Variants in HGD observed in about 807,000 individuals in gnomAD.
HGD encodes the protein homogentisate 1,2-dioxygenase, also known as homogentisate oxidase.
A neutral mutation model predicts 60.8 loss-of-function variants in HGD; 61 were observed. The ratio of observed to expected loss-of-function variants is 1.00; its 90% CI spans 0.82 to 1.24. HGD has a LOEUF of 1.24. Among genes scored for constraint, HGD ranks in the 50% most tolerant of loss-of-function variants. HGD has a pLI of 0.00. For synonymous variants in HGD, 212 were observed against 187.7 expected, an observed-to-expected ratio of 1.13 and a Z score of -1.06; for missense variants, 542 against 547.1, an observed-to-expected ratio of 0.99 and a Z score of 0.09.
chr3:120,676,850 A>C (rs1457321742), intron 1 of HGD, among the ~76,000 whole-genome samples: 2 of 152,222 alleles, frequency 1.3e-5, no homozygotes, highest in African/African-American at 4.8e-5. Flanking sequence ...GGCCCTCCAG[A>C]GTTCTCAGTT....
At chr3:120,663,335 G>A (rs1170026494) in intron 4 of HGD, among the ~76,000 whole-genome samples, 2 of 152,214 alleles carry the variant, frequency 1.3e-5, no homozygotes, top group African/African-American at 2.4e-5. Flanking sequence ...AGACATTCCC[G>A]AGAAGGAGTA....
intron 4 of HGD, among the ~76,000 whole-genome samples, chr3:120,669,193 T>C (rs1707968917): frequency 1.3e-5 from 2 of 152,168 alleles, no homozygotes; most frequent in Admixed American, 6.5e-5. Context: ...CTATGCCAGA[T>C]TTCAAAGGCC....
At chr3:120,675,955 T>C (rs1030882956) in intron 1 of HGD, 92 bp from the exon 2 acceptor site, 2 of 873,896 alleles carry the variant, frequency 2.3e-6, no homozygotes, top group Non-Finnish European at 3.9e-6. Context: ...AATTTCTATA[T>C]GGACCTATGT....
rs1940645751 is a variant in HGD, at chr3:120,633,220, C to A, written c.1115G>T (p.Gly372Val). The A allele has an allele frequency of 6.2e-7, 1 of 1,614,142 alleles. No individual in the cohort carries two copies. Among genetic ancestry groups the A allele is most frequent in the Non-Finnish European group, 8.5e-7 (1 of 1,180,026 alleles). ...CTTCTCAAAGCAGTCAGCATCAGGTCCATGGGGGGTCATTGTGCTGTGTAG... is the reference window on the plus strand; with the variant it reads ...CTTCTCAAAGCAGTCAGCATCAGGTACATGGGGGGTCATTGTGCTGTGTAG... ...GSLHSTMTPH[G>V]PDADCFEKAS... Residue 372 changes from glycine to valine, a missense_variant, in exon 13 of 14, where the codon GGA becomes GTA. Around this residue, in one of 2 missense-constraint regions of HGD, gnomAD observed 537 missense variants for 529.1 expected, o/e 1.01. Transcript: ENST00000283871.
At chr3:120,637,641 C>G (rs911305514) in intron 12 of HGD, among the ~76,000 whole-genome samples, 1 of 152,024 alleles carries the variant, frequency 6.6e-6, no homozygotes, top group Admixed American at 6.6e-5. Flanking sequence ...TCTCTCTCTT[C>G]TTATTTCTCT....
intron 13 of HGD, among the ~76,000 whole-genome samples, chr3:120,632,061 T>C (rs1448026153): frequency 6.6e-6 from 1 of 152,176 alleles, no homozygotes; most frequent in African/African-American, 2.4e-5. Flanking sequence ...CTGCATCTCT[T>C]TGAGATGTAG....
intron 1 of HGD, among the ~76,000 whole-genome samples, chr3:120,677,460 AC>A (rs1708152719): frequency 6.6e-6 from 1 of 152,020 alleles, no homozygotes; most frequent in African/African-American, 2.4e-5. Context: ...GGTGAAATAG[AC>A]CCCAGTCTCC....
Position 120,675,830 on chromosome 3 carries a change from C to T in HGD, c.49G>A (p.Glu17Lys), listed in dbSNP as rs758729926. 3.1e-6 allele frequency: 5 copies of T among 1,613,548 alleles called. No homozygotes were observed. The Admixed American group carries it at 8.3e-5, about 27-fold the overall frequency. The change falls in exon 2 of 14, where the codon GAG (glutamate) becomes AAG (lysine). Residue 17 changes from glutamate to lysine, a missense_variant. This residue lies in a region of HGD where 537 missense variants were observed against 529.1 expected (regional missense o/e 1.01). Coordinates refer to ENST00000283871, the MANE Select transcript of HGD (RefSeq NM_000187.4). ...ISGFGNECSS[E>K]DPRCPGSLPE... ...AGGGAACCTGGGCAGCGAGGATCCT[C>T]TGAAGAACACTCATTCCCAAATCCA...
chr3:120,669,426 TACAA>T (rs1707974845), intron 4 of HGD, among the ~76,000 whole-genome samples: 1 of 147,962 alleles, frequency 6.8e-6, no homozygotes, highest in Non-Finnish European at 1.5e-5. Flanking sequence ...GCTAGAAAAA[TACAA>T]GCTTATGTGC....
chr3:120,648,515 A>G (rs1941234578), intron 6 of HGD, among the ~76,000 whole-genome samples: 1 of 152,258 alleles, frequency 6.6e-6, no homozygotes. Flanking sequence ...TTGGACACAA[A>G]TGGTCCAGTT....
rs780173554 is a variant in HGD, at chr3:120,647,018, C to G, written c.504G>C (p.Glu168Asp). The G allele has an allele frequency of 5.0e-6, 8 of 1,613,972 alleles. No homozygotes were observed. The East Asian group carries it at 1.3e-4, about 27-fold the overall frequency. Residue 168 changes from glutamate (E) to aspartate (D), a missense_variant, in exon 8 of 14, where the codon GAG (glutamate) becomes GAC (aspartate). Physicochemically the swap from Glu to Asp is conservative, Grantham distance 45 (BLOSUM62 2). Coordinates refer to ENST00000283871, the MANE Select transcript of HGD (RefSeq NM_000187.4). ...PQKGNLLIYT[E>D]FGKMLVQPNE... ...TGGGCTGTACAAGCATCTTGCCAAA[C>G]TCGGTGTAAATGAGAAGGTTCCCTT...
intron 4 of HGD, among the ~76,000 whole-genome samples, chr3:120,661,886 A>G (rs1707776982): frequency 6.6e-6 from 1 of 152,246 alleles, no homozygotes; most frequent in South Asian, 2.1e-4. Flanking sequence ...TTGCGATTCT[A>G]TTTGGAAGAA....
intron 8 of HGD, 35 bp from the exon 9 acceptor site, chr3:120,646,401 A>G: frequency 7.6e-7 from 1 of 1,323,322 alleles, no homozygotes. Flanking sequence ...GTGCCCTCTG[A>G]AATCACAGCT....
chr3:120,648,848 T>C (rs1941244153), intron 6 of HGD, among the ~76,000 whole-genome samples: 2 of 152,228 alleles, frequency 1.3e-5, no homozygotes, highest in Admixed American at 1.3e-4. Flanking sequence ...TACATATTAA[T>C]AGTTTGACTA....
At chr3:120,646,456 C>T (rs1175900484) in intron 8 of HGD, 90 bp from the exon 9 acceptor site, 1 of 838,410 alleles carries the variant, frequency 1.2e-6, no homozygotes, top group Admixed American at 1.7e-5. Flanking sequence ...ATCCCACATG[C>T]AAAAGTAAAG....
chr3:120,658,297 A>G (rs141396796), intron 4 of HGD, among the ~76,000 whole-genome samples: 412 of 152,364 alleles, frequency 2.7e-3, no homozygotes, highest in African/African-American at 9.6e-3. Context: ...TTAGGTAAAT[A>G]CTTCCATTTC....
chr3:120,680,175 T>G (rs1465180218), intron 1 of HGD, among the ~76,000 whole-genome samples: 5 of 152,230 alleles, frequency 3.3e-5, no homozygotes, highest in African/African-American at 4.8e-5. Flanking sequence ...AAATTTAATT[T>G]TATTACTTTA....
In HGD at chr3:120,638,446, G is replaced by C. The variant is rs2107498050; in HGVS notation, c.1006+9C>G. 1 of 1,613,798 alleles carries C rather than the reference G, an allele frequency of 6.2e-7. No homozygotes were observed. Among genetic ancestry groups the C allele is most frequent in the South Asian group, 1.1e-5 (1 of 91,072 alleles). ...CTTGCAAATGTGGCTTGGTAAAAGA[G>C]AGACTTACTATGGTAATAAGGAGGC... is the stretch of plus-strand genomic sequence containing the variant. On this transcript the variant is annotated intron_variant, in intron 12 of 13. Transcript: ENST00000283871.
intron 9 of HGD, chr3:120,644,752 A>G: frequency 3.2e-6 from 2 of 616,550 alleles, no homozygotes; most frequent in South Asian, 1.8e-5. Flanking sequence ...AAGAGAACTG[A>G]AAAGAGGAAA....
Sources: gnomAD v4.1 joint callset for allele counts (sites outside exome capture counted in the v4.1 genomes callset) on GRCh38, gnomAD v4.1.1 for gene constraint, gnomAD v4.1.1 regional missense constraint, MANE v1.5 for transcripts, NCBI Gene and HGNC (gene_info 2026-07-23, HGNC 2026-07-21) for gene names.